Variants in SLC25A21 observed in about 807,000 individuals in gnomAD.
SLC25A21 encodes solute carrier family 25 member 21, also known as mitochondrial 2-oxodicarboxylate carrier.
Under a neutral mutation model 43.8 loss-of-function variants are expected in SLC25A21, and 47 were observed. The ratio of observed to expected loss-of-function variants is 1.07; its 90% CI spans 0.85 to 1.37. The LOEUF (loss-of-function observed/expected upper bound fraction) is 1.37. SLC25A21 is among the 40% of genes most tolerant of loss of function. SLC25A21 has a pLI of 0.00. For synonymous variants in SLC25A21, 131 were observed against 121.3 expected (o/e 1.08, Z -0.52); for missense variants, 352 against 350.2 (o/e 1.00, Z -0.04).
chr14:36,756,536 AAC>A (rs1272117306), intron 3 of SLC25A21, among the ~76,000 whole-genome samples: 6 of 152,156 alleles, frequency 3.9e-5, no homozygotes. Context: ...GGATGCGGAA[AAC>A]ACTTTTTTGA....
chr14:36,862,284 A>G lies in SLC25A21; in HGVS notation c.119+12672T>C, dbSNP rs140089002. 3.1e-3 allele frequency among the ~76,000 whole-genome samples: 473 copies of G among 152,336 alleles called. 2 individuals are homozygous for G. Among genetic ancestry groups the G allele is most frequent in the African/African-American group, 0.011 (442 of 41,584 alleles). Reference sequence around the variant, plus strand: ...GTATATACTCAAAGGATTAGAAATCATTCTACTATAAAGACACATGCACAT... The same window carrying G: ...GTATATACTCAAAGGATTAGAAATCGTTCTACTATAAAGACACATGCACAT... On this transcript the variant is annotated intron_variant, in intron 2 of 9. Coordinates refer to ENST00000331299, the MANE Select transcript of SLC25A21 (RefSeq NM_030631.4).
chr14:36,705,280 C>T (rs976495977), intron 7 of SLC25A21, among the ~76,000 whole-genome samples: 3 of 151,908 alleles, frequency 2.0e-5, no homozygotes, highest in Non-Finnish European at 4.4e-5. Flanking sequence ...CTCCCGACCT[C>T]GTGATCCACC....
intron 6 of SLC25A21, among the ~76,000 whole-genome samples, chr14:36,719,693 C>T (rs1360159636): frequency 6.6e-6 from 1 of 152,116 alleles, no homozygotes; most frequent in African/African-American, 2.4e-5. Context: ...GACAAGCACA[C>T]CTATTAAAAT....
At chr14:37,150,249 G>A (rs990121692) in intron 1 of SLC25A21, among the ~76,000 whole-genome samples, 3 of 151,936 alleles carry the variant, frequency 2.0e-5, no homozygotes, top group Non-Finnish European at 1.5e-5. Context: ...ACAAAATTAT[G>A]GAATCTAGGA....
chr14:36,883,973 A>C (rs372634241), intron 1 of SLC25A21, among the ~76,000 whole-genome samples: 6 of 152,144 alleles, frequency 3.9e-5, no homozygotes, highest in African/African-American at 1.2e-4. Context: ...ATACTTACAA[A>C]CTTTTTGTAG....
chr14:36,788,158 A>G (rs545583982), intron 3 of SLC25A21, among the ~76,000 whole-genome samples: 10 of 152,326 alleles, frequency 6.6e-5, no homozygotes, highest in Admixed American at 3.3e-4. Flanking sequence ...TTCTTAAACC[A>G]TAACAGCATC....
At chr14:36,929,220 A>G (rs1892218283) in intron 1 of SLC25A21, among the ~76,000 whole-genome samples, 1 of 152,180 alleles carries the variant, frequency 6.6e-6, no homozygotes, top group African/African-American at 2.4e-5. Flanking sequence ...TATTCCACTT[A>G]GCATGATGCC....
intron 3 of SLC25A21, among the ~76,000 whole-genome samples, chr14:36,756,475 G>C (rs1055034140): frequency 6.6e-6 from 1 of 152,222 alleles, no homozygotes; most frequent in South Asian, 2.1e-4. Context: ...AATGAGATTT[G>C]AGTCAAGTGT....
At chr14:37,087,054 G>A (rs938150982) in intron 1 of SLC25A21, among the ~76,000 whole-genome samples, 4 of 152,138 alleles carry the variant, frequency 2.6e-5, no homozygotes, top group African/African-American at 9.7e-5. Flanking sequence ...AGAAAAAAGA[G>A]TCCATGGCCC....
chr14:36,948,082 C>G (rs1358581910), intron 1 of SLC25A21, among the ~76,000 whole-genome samples: 1 of 152,154 alleles, frequency 6.6e-6, no homozygotes. Context: ...TAGAAGCGTG[C>G]ACACATCAGT....
At chr14:36,887,083 A>G (rs190735743) in intron 1 of SLC25A21, among the ~76,000 whole-genome samples, 149 of 152,186 alleles carry the variant, frequency 9.8e-4, no homozygotes, top group African/African-American at 3.5e-3. Context: ...GAAAATAGAG[A>G]GAAATAGAGG....
intron 1 of SLC25A21, among the ~76,000 whole-genome samples, chr14:37,052,042 C>T (rs368278257): frequency 8.0e-4 from 122 of 152,130 alleles, no homozygotes; most frequent in African/African-American, 2.7e-3. Flanking sequence ...TACACTGTGG[C>T]TTTATGTTCC....
intron 3 of SLC25A21, among the ~76,000 whole-genome samples, chr14:36,804,658 C>A (rs1415623553): frequency 6.6e-6 from 1 of 152,122 alleles, no homozygotes; most frequent in Non-Finnish European, 1.5e-5. Flanking sequence ...ACCTGGAAGA[C>A]CAGCGGGAAA....
At chr14:36,697,574 C>T (rs893331578) in intron 7 of SLC25A21, among the ~76,000 whole-genome samples, 8 of 152,214 alleles carry the variant, frequency 5.3e-5, no homozygotes, top group African/African-American at 1.7e-4. Context: ...TAAGGACTTG[C>T]TTTATGAATC....
intron 1 of SLC25A21, among the ~76,000 whole-genome samples, chr14:37,133,776 G>T (rs558325788): frequency 1.3e-5 from 2 of 151,990 alleles, no homozygotes; most frequent in Non-Finnish European, 2.9e-5. Context: ...TCATGCTTCC[G>T]TTCCACTACA....
At chr14:37,016,203 T>G (rs1454830384) in intron 1 of SLC25A21, among the ~76,000 whole-genome samples, 1 of 152,198 alleles carries the variant, frequency 6.6e-6, no homozygotes, top group Non-Finnish European at 1.5e-5. Flanking sequence ...TTAATCCATC[T>G]TGAATTAATT....
intron 5 of SLC25A21, 79 bp downstream of exon 5, chr14:36,729,428 A>T: frequency 8.9e-7 from 1 of 1,126,548 alleles, no homozygotes; most frequent in Non-Finnish European, 1.2e-6. Context: ...TGGGCTTGGA[A>T]ATCAAAAGAG....
At chr14:37,101,977 T>C (rs978991353) in intron 1 of SLC25A21, among the ~76,000 whole-genome samples, 1 of 152,214 alleles carries the variant, frequency 6.6e-6, no homozygotes, top group Non-Finnish European at 1.5e-5. Flanking sequence ...AATGAGAATA[T>C]ATGTTTCACA....
At chr14:36,869,190 T>G (rs746774999) in intron 2 of SLC25A21, among the ~76,000 whole-genome samples, 4 of 152,152 alleles carry the variant, frequency 2.6e-5, no homozygotes, top group Non-Finnish European at 5.9e-5. Context: ...CAAAGTGAAT[T>G]ACAACAGGAT....
Sources: allele counts gnomAD v4.1 joint callset (sites outside exome capture counted in the v4.1 genomes callset), GRCh38; gene constraint gnomAD v4.1.1; transcripts MANE v1.5; gene names NCBI Gene and HGNC (gene_info 2026-07-23, HGNC 2026-07-21).